The following ST3GAL5 variants were observed in gnomAD, a reference collection of about 807,000 sequenced individuals.
The protein encoded by ST3GAL5 is ST3 beta-galactoside alpha-2,3-sialyltransferase 5, also known as lactosylceramide alpha-2,3-sialyltransferase.
In ST3GAL5, 25 loss-of-function variants were observed where a neutral mutation model predicts 46.1. That is an observed-to-expected ratio of 0.54 (90% CI 0.40 to 0.76). The LOEUF is 0.76. Ranked by LOEUF, ST3GAL5 falls within the 30% of genes least tolerant of loss-of-function variation. The pLI is 0.00. For missense variants in ST3GAL5, 431 were observed against 521.2 expected (o/e 0.83, Z 1.69); for synonymous variants, 182 against 192.7 (o/e 0.94, Z 0.46).
chr2:85,861,037 T>C (rs766692144), intron 3 of ST3GAL5, 144 bp downstream of exon 3: 3 of 679,980 alleles, frequency 4.4e-6, no homozygotes, highest in Non-Finnish European at 2.6e-6. Context: ...GTCTTTGGTT[T>C]TGGAGTGCTG....
intron 1 of ST3GAL5, chr2:85,865,742 A>C (rs1002828214): frequency 2.0e-5 from 3 of 152,020 alleles, no homozygotes; most frequent in African/African-American, 7.3e-5. Flanking sequence ...TATGAGAAAG[A>C]CTCCAGGGCT....
At chr2:85,882,777 G>A (rs561580072) in intron 1 of ST3GAL5, among the ~76,000 whole-genome samples, 11 of 147,958 alleles carry the variant, frequency 7.4e-5, no homozygotes, top group African/African-American at 2.2e-4. Context: ...AGGTTGCAGT[G>A]AGCTGAGATC....
intron 6 of ST3GAL5, among the ~76,000 whole-genome samples, chr2:85,843,502 A>G (rs1385913339): frequency 1.3e-5 from 2 of 152,206 alleles, no homozygotes; most frequent in South Asian, 2.1e-4. Flanking sequence ...ACATTTTTAC[A>G]TGTATTCTTT....
chr2:85,873,884 A>G (rs775732057), intron 1 of ST3GAL5, among the ~76,000 whole-genome samples: 2 of 152,228 alleles, frequency 1.3e-5, no homozygotes, highest in Non-Finnish European at 2.9e-5. Flanking sequence ...GGTCCAGGTG[A>G]GGATGCTGAC....
At chr2:85,869,920 C>T (rs1185069239) in intron 1 of ST3GAL5, among the ~76,000 whole-genome samples, 1 of 152,216 alleles carries the variant, frequency 6.6e-6, no homozygotes, top group African/African-American at 2.4e-5. Flanking sequence ...GCTCCCCACA[C>T]TGAAGCCACC....
chr2:85,844,252 G>A, intron 6 of ST3GAL5, 144 bp downstream of exon 6: 1 of 1,011,916 alleles, frequency 9.9e-7, no homozygotes, highest in South Asian at 1.4e-5. Flanking sequence ...CAAGTGCAGA[G>A]TGGTAAACAC....
chr2:85,847,679 C>T, intron 4 of ST3GAL5, 182 bp downstream of exon 4: 2 of 1,311,960 alleles, frequency 1.5e-6, no homozygotes, highest in Non-Finnish European at 1.0e-6. Context: ...CCTGGGGTCC[C>T]AGCTACTGGG....
At position 85,863,272 on chromosome 2, in the gene ST3GAL5, C is replaced by T. The variant is rs1684917452; in HGVS notation, c.206+90G>A. The T allele has an allele frequency of 2.5e-6, 4 of 1,606,374 alleles. No individual in the cohort carries two copies. In the East Asian group the frequency reaches 6.7e-5, roughly 27 times the overall value. ...ACCAAGCATGCCTCTCCAACATTAGCCATCTTGAGGGCTCTCACTGAATTT... is the reference window on the plus strand; with the variant it reads ...ACCAAGCATGCCTCTCCAACATTAGTCATCTTGAGGGCTCTCACTGAATTT... On this transcript the variant is annotated intron_variant, in intron 2 of 6. Coordinates refer to ENST00000638572, the MANE Select transcript of ST3GAL5 (RefSeq NM_003896.4).
chr2:85,855,778 T>C (rs1003701457), intron 3 of ST3GAL5: 1 of 152,140 alleles, frequency 6.6e-6, no homozygotes, highest in African/African-American at 2.4e-5. Flanking sequence ...CAATTAAAAA[T>C]GGGCAAAGGA....
intron 1 of ST3GAL5, among the ~76,000 whole-genome samples, chr2:85,871,506 C>T: frequency 6.6e-6 from 1 of 152,110 alleles, no homozygotes; most frequent in African/African-American, 2.4e-5. Context: ...AGAATAAATG[C>T]CATAAAGCAG....
At chr2:85,861,351 G>T in intron 2 of ST3GAL5, 59 bp from the exon 3 acceptor site, 1 of 1,133,894 alleles carries the variant, frequency 8.8e-7, no homozygotes, top group Non-Finnish European at 1.3e-6. Flanking sequence ...GAGATGCAAT[G>T]TGAAACTGAA....
At chr2:85,852,471 A>G (rs1309319842) in intron 3 of ST3GAL5, among the ~76,000 whole-genome samples, 1 of 152,178 alleles carries the variant, frequency 6.6e-6, no homozygotes, top group East Asian at 1.9e-4. Context: ...CATTTAAGTT[A>G]TAACTCTTAC....
At chr2:85,870,104 T>C (rs368494494) in intron 1 of ST3GAL5, 2 of 437,410 alleles carry the variant, frequency 4.6e-6, no homozygotes, top group African/African-American at 2.0e-5. Context: ...CCTGTATGCA[T>C]GCTTTCTTTT....
chr2:85,859,592 C>T (rs753075263), intron 3 of ST3GAL5, among the ~76,000 whole-genome samples: 15 of 152,138 alleles, frequency 9.9e-5, no homozygotes, highest in Non-Finnish European at 2.2e-4. Context: ...GCTGGCCCTG[C>T]GACCAGCAAG....
chr2:85,852,440 G>C (rs568406141), intron 3 of ST3GAL5, among the ~76,000 whole-genome samples: 1 of 152,136 alleles, frequency 6.6e-6, no homozygotes, highest in Non-Finnish European at 1.5e-5. Flanking sequence ...TGAGGGTCAC[G>C]TTATTGACAT....
At chr2:85,842,258 T>G (rs562672527) in intron 6 of ST3GAL5, among the ~76,000 whole-genome samples, 123 of 152,356 alleles carry the variant, frequency 8.1e-4, no homozygotes, top group African/African-American at 2.9e-3. Flanking sequence ...TCCTCCTGTT[T>G]AGCCAGGGCT....
chr2:85,847,785 G>A, intron 4 of ST3GAL5, 76 bp downstream of exon 4: 1 of 1,536,766 alleles, frequency 6.5e-7, no homozygotes. Context: ...ACAGGAGTGA[G>A]ACCCTGCCTC....
chr2:85,857,339 C>T (rs1404455399), intron 3 of ST3GAL5, among the ~76,000 whole-genome samples: 1 of 151,642 alleles, frequency 6.6e-6, no homozygotes, highest in Non-Finnish European at 1.5e-5. Flanking sequence ...GGGTTTAAGA[C>T]CAGCCTGGCC....
At chr2:85,843,315 G>A (rs62147514) in intron 6 of ST3GAL5, among the ~76,000 whole-genome samples, 48,017 of 151,928 alleles carry the variant, frequency 0.32, 7,889 homozygotes, top group East Asian at 0.54. Context: ...GAGATGATTC[G>A]TATTTAAAAT....
Sources: allele counts gnomAD v4.1 joint callset (sites outside exome capture counted in the v4.1 genomes callset), GRCh38; gene constraint gnomAD v4.1.1; transcripts MANE v1.5; gene names NCBI Gene and HGNC (gene_info 2026-07-23, HGNC 2026-07-21).